The following DRC4 variants were observed in gnomAD, a reference collection of about 807,000 sequenced individuals.
The protein encoded by DRC4 is GAS-11.
At chr16:90,021,825 C>T in the DRC4 span, among the ~76,000 whole-genome samples, 3 of 129,352 alleles carry the variant, frequency 2.3e-5, no homozygotes. Flanking sequence ...GTTGTGATCA[C>T]AGCCTAGGCG....
the DRC4 span, chr16:90,035,924 G>C: frequency 7.0e-7 from 1 of 1,432,128 alleles, no homozygotes. Flanking sequence ...CCCACTCCTA[G>C]CTAAAATCAG....
the DRC4 span, chr16:90,020,680 C>G: frequency 2.0e-5 from 3 of 152,250 alleles, no homozygotes; most frequent in African/African-American, 7.2e-5. Flanking sequence ...AGCCGCAATT[C>G]AGGGCTCCCT....
At chr16:90,027,509 G>C in the DRC4 span, 7 of 850,730 alleles carry the variant, frequency 8.2e-6, no homozygotes, top group Non-Finnish European at 1.4e-5. Context: ...GCAATGATGT[G>C]CTCCAGGTGA....
chr16:90,029,120 G>A, the DRC4 span: 1 of 1,322,414 alleles, frequency 7.6e-7, no homozygotes, highest in Admixed American at 2.3e-5. Context: ...AGGCCTTGTG[G>A]GGCAGTGGCC....
chr16:90,030,705 C>T, the DRC4 span, among the ~76,000 whole-genome samples: 13 of 152,076 alleles, frequency 8.5e-5, no homozygotes, highest in African/African-American at 3.1e-4. Flanking sequence ...CAGCCTCAAC[C>T]CCCTGAGCTT....
chr16:90,034,892 C>CTTTTT, the DRC4 span, among the ~76,000 whole-genome samples: 5 of 53,868 alleles, frequency 9.3e-5, 1 homozygote, highest in South Asian at 2.1e-3. Context: ...CCCACCTAAT[C>CTTTTT]TTTTTTTTTT....
chr16:90,039,198 A>G, the DRC4 span, among the ~76,000 whole-genome samples: 1 of 152,096 alleles, frequency 6.6e-6, no homozygotes. Context: ...TGAGGTGGAC[A>G]TTATTGGGAA....
the DRC4 span, chr16:90,042,540 G>C: frequency 6.2e-7 from 1 of 1,612,802 alleles, no homozygotes; most frequent in Admixed American, 1.7e-5. Context: ...TGTAAGGTAC[G>C]GCTGTGCCCT....
At chr16:90,023,520 G>C in the DRC4 span, among the ~76,000 whole-genome samples, 114 of 152,346 alleles carry the variant, frequency 7.5e-4, 1 homozygote, top group Middle Eastern at 3.4e-3. Context: ...GGCTGTGAAG[G>C]TCCCAAATGC....
chr16:90,037,967 G>C, the DRC4 span: 1 of 871,288 alleles, frequency 1.1e-6, no homozygotes, highest in Non-Finnish European at 1.9e-6. Flanking sequence ...ACCCCTGCTA[G>C]CCAGGGACGG....
the DRC4 span, chr16:90,029,156 G>A: frequency 5.9e-6 from 8 of 1,349,354 alleles, no homozygotes; most frequent in East Asian, 3.3e-4. Context: ...CAGCCTACGG[G>A]GCAGGCTACG....
chr16:90,027,895 T>C, the DRC4 span: 1 of 609,336 alleles, frequency 1.6e-6, no homozygotes, highest in South Asian at 2.0e-5. Flanking sequence ...GGCTGCACCA[T>C]GTCTTTTCAG....
At chr16:90,039,154 T>C in the DRC4 span, among the ~76,000 whole-genome samples, 203 of 152,290 alleles carry the variant, frequency 1.3e-3, 1 homozygote, top group African/African-American at 4.7e-3. Context: ...ACTGCTGTGT[T>C]AGACAAGGGG....
At chr16:90,042,167 C>T in the DRC4 span, 1 of 473,658 alleles carries the variant, frequency 2.1e-6, no homozygotes, top group African/African-American at 2.0e-5. Flanking sequence ...AACTCCTGAC[C>T]TCAAGTGATC....
chr16:90,044,152 A>G, the DRC4 span: 1 of 455,542 alleles, frequency 2.2e-6, no homozygotes, highest in South Asian at 1.6e-5. Context: ...CCAGTAAGTC[A>G]GGCGCTTCTG....
At chr16:90,024,129 C>G in the DRC4 span, among the ~76,000 whole-genome samples, 2 of 148,280 alleles carry the variant, frequency 1.3e-5, no homozygotes, top group East Asian at 3.9e-4. Context: ...AAAATACACA[C>G]ACACACACAC....
At chr16:90,044,205 A>G in the DRC4 span, 1 of 453,678 alleles carries the variant, frequency 2.2e-6, no homozygotes, top group Non-Finnish European at 4.4e-6. Flanking sequence ...TTAGGCCCAG[A>G]GAGCTGGAGT....
chr16:90,044,667 C>A, the DRC4 span: 3 of 465,498 alleles, frequency 6.4e-6, no homozygotes, highest in African/African-American at 6.0e-5. Flanking sequence ...CAGAAGCCCC[C>A]CACCCCAGCT....
At chr16:90,035,669 T>G in the DRC4 span, 2 of 1,614,144 alleles carry the variant, frequency 1.2e-6, no homozygotes, top group South Asian at 2.2e-5. Flanking sequence ...GCGGAATGAT[T>G]TTGAGAGGCA....
Sources: allele counts gnomAD v4.1 joint callset (sites outside exome capture counted in the v4.1 genomes callset), GRCh38; gene constraint gnomAD v4.1.1; transcripts MANE v1.5; gene names NCBI Gene and HGNC (gene_info 2026-07-23, HGNC 2026-07-21).